The following RMDN2 variants were observed in gnomAD, a reference collection of about 807,000 sequenced individuals.
The protein encoded by RMDN2 is regulator of microtubule dynamics protein 2.
In RMDN2, 61 loss-of-function variants were observed where a neutral mutation model predicts 52.8. That is an observed-to-expected ratio of 1.16 (90% CI 0.94 to 1.43). The LOEUF (loss-of-function observed/expected upper bound fraction) is 1.43. Among genes scored for constraint, RMDN2 ranks in the 40% most tolerant of loss-of-function variants. The pLI, the probability that RMDN2 is intolerant of heterozygous loss-of-function variation, is 0.00. For missense variants in RMDN2, 592 were observed against 475.3 expected (o/e 1.25, Z -2.28); for synonymous variants, 180 against 153.1 (o/e 1.18, Z -1.30).
chr2:38,058,012 C>G (rs748283486), intron 10 of RMDN2, among the ~76,000 whole-genome samples: 18 of 152,184 alleles, frequency 1.2e-4, no homozygotes, highest in Non-Finnish European at 2.5e-4. Flanking sequence ...AATACAGAGC[C>G]CATTGAGGCT....
At chr2:38,054,415 C>T (rs1426889201) in intron 10 of RMDN2, among the ~76,000 whole-genome samples, 1 of 152,182 alleles carries the variant, frequency 6.6e-6, no homozygotes, top group Non-Finnish European at 1.5e-5. Context: ...TACATTCAAA[C>T]TGATCTGCAA....
intron 2 of RMDN2, chr2:37,950,706 G>T (rs577435804): frequency 4.8e-6 from 5 of 1,033,222 alleles, no homozygotes; most frequent in Non-Finnish European, 7.5e-6. Context: ...ATCCTGGACT[G>T]TCCAGATATT....
At chr2:37,936,069 TC>T (rs993332288) in intron 2 of RMDN2, among the ~76,000 whole-genome samples, 3 of 152,098 alleles carry the variant, frequency 2.0e-5, no homozygotes, top group African/African-American at 7.2e-5. Flanking sequence ...CTGCTGACAG[TC>T]CCCGGTGTGT....
At chr2:38,024,081 T>C (rs1220491072) in intron 10 of RMDN2, among the ~76,000 whole-genome samples, 1 of 152,178 alleles carries the variant, frequency 6.6e-6, no homozygotes, top group African/African-American at 2.4e-5. Context: ...AGCATAATTA[T>C]TTTGGGACTC....
At chr2:37,948,066 C>A (rs138055762) in intron 2 of RMDN2, among the ~76,000 whole-genome samples, 21 of 152,116 alleles carry the variant, frequency 1.4e-4, no homozygotes, top group Middle Eastern at 3.2e-3. Context: ...GTCGTCATGA[C>A]CCGTATGTTC....
At chr2:38,029,289 C>G (rs1680005337) in intron 10 of RMDN2, 1 of 152,210 alleles carries the variant, frequency 6.6e-6, no homozygotes, top group East Asian at 2.0e-4. Context: ...TTTATTCTGC[C>G]TTTGGGGCCA....
At chr2:38,020,477 G>A (rs1430015959), downstream of RMDN2, among the ~76,000 whole-genome samples, 6 of 152,340 alleles carry the variant, frequency 3.9e-5, no homozygotes, top group East Asian at 7.7e-4. Flanking sequence ...GGCCAAGGCC[G>A]GAGCCGGCTC....
At chr2:38,026,579 A>G (rs555871836) in intron 10 of RMDN2, among the ~76,000 whole-genome samples, 1 of 152,096 alleles carries the variant, frequency 6.6e-6, no homozygotes, top group Admixed American at 6.5e-5. Flanking sequence ...AGTCATTGAT[A>G]TAAGACTTTA....
At chr2:38,022,360 C>G (rs1679449882), downstream of RMDN2, among the ~76,000 whole-genome samples, 1 of 152,218 alleles carries the variant, frequency 6.6e-6, no homozygotes, top group South Asian at 2.1e-4. Flanking sequence ...GGTTACTTCA[C>G]TCACCACTCA....
At chr2:37,968,438 CAAAAAAAAAA>C (rs71400332) in intron 2 of RMDN2, among the ~76,000 whole-genome samples, 6 of 89,154 alleles carry the variant, frequency 6.7e-5, no homozygotes, top group South Asian at 4.1e-4. Context: ...GACTCTGTCT[CAAAAAAAAAA>C]AAAAAAAAAA....
At chr2:37,950,394 A>G in intron 2 of RMDN2, 1 of 1,567,734 alleles carries the variant, frequency 6.4e-7, no homozygotes, top group Non-Finnish European at 8.8e-7. Context: ...AACAGTTCTA[A>G]TATAAACTGA....
chr2:38,045,004 ATT>A (rs140336253), intron 10 of RMDN2, among the ~76,000 whole-genome samples: 2 of 149,720 alleles, frequency 1.3e-5, no homozygotes, highest in Non-Finnish European at 3.0e-5. Flanking sequence ...TATTCTAGAT[ATT>A]TTTTTTTTCT....
intron 3 of RMDN2, chr2:37,975,000 G>A: frequency 1.9e-6 from 1 of 521,642 alleles, no homozygotes; most frequent in Non-Finnish European, 3.4e-6. Context: ...TTGGTTTTAA[G>A]ATCCAAATGT....
At chr2:37,952,000 C>T in intron 2 of RMDN2, 1 of 1,612,634 alleles carries the variant, frequency 6.2e-7, no homozygotes, top group South Asian at 1.1e-5. Flanking sequence ...GATCATTCTC[C>T]AATCATGATT....
At chr2:37,931,805 G>A (rs535846298) in intron 2 of RMDN2, among the ~76,000 whole-genome samples, 11 of 152,310 alleles carry the variant, frequency 7.2e-5, no homozygotes, top group African/African-American at 2.6e-4. Flanking sequence ...AACTAGACAC[G>A]TCAAAACTTC....
At position 38,004,318 on chromosome 2, in the gene RMDN2, A is replaced by G. The variant is rs115515962; in HGVS notation, c.1179+102A>G. The G allele has an allele frequency of 4.7e-3, 3,503 of 746,216 alleles. 85 individuals are homozygous for G. The African/African-American group carries it at 0.055, about 12-fold the overall frequency. The allele number at this position is 746,216 out of a possible 1,614,324, so 46.2% of individuals were successfully genotyped here. A position where few individuals can be genotyped will look rare whatever the true frequency, so the allele number is the denominator to read the frequency against. On this transcript the variant is annotated intron_variant, in intron 10 of 10. Transcript: ENST00000354545. ...GATACATTTGTAGTTTTCTCTATTC[A>G]ATTTTATGTATTTATTTTTATTCTA...
intron 2 of RMDN2, among the ~76,000 whole-genome samples, chr2:37,968,702 G>A (rs1250106733): frequency 6.6e-6 from 1 of 152,150 alleles, no homozygotes; most frequent in Non-Finnish European, 1.5e-5. Context: ...AAAATTTAGA[G>A]CAGAAGAAAG....
chr2:37,967,188 G>T (rs965484895), intron 2 of RMDN2, among the ~76,000 whole-genome samples: 10 of 152,108 alleles, frequency 6.6e-5, no homozygotes, highest in African/African-American at 2.2e-4. Context: ...ATTAATAGCA[G>T]AAATAATAGC....
chr2:38,048,813 C>A (rs528186813), intron 10 of RMDN2, among the ~76,000 whole-genome samples: 1 of 152,196 alleles, frequency 6.6e-6, no homozygotes, highest in Non-Finnish European at 1.5e-5. Context: ...TTAGCACTGT[C>A]GCAACTTAGA....
Sources: allele counts gnomAD v4.1 joint callset (sites outside exome capture counted in the v4.1 genomes callset), GRCh38; gene constraint gnomAD v4.1.1; transcripts MANE v1.5; gene names NCBI Gene and HGNC (gene_info 2026-07-23, HGNC 2026-07-21).